NLRP1: variants seen among roughly 807,000 people sequenced by gnomAD.
The protein encoded by NLRP1 is NACHT, LRR and PYD domains-containing protein 1.
In NLRP1, 94 loss-of-function variants were observed where a neutral mutation model predicts 136.7. The observed-to-expected ratio is 0.69, with a 90% CI of 0.58 to 0.82. The LOEUF (loss-of-function observed/expected upper bound fraction) is 0.82, where lower values mean the gene tolerates loss of function less well. Ranked by LOEUF, NLRP1 falls within the 40% of genes least tolerant of loss-of-function variation. The probability of loss-of-function intolerance (pLI) is 0.00; values close to 1 mark genes in which losing one functional copy is unlikely to be tolerated. For missense variants in NLRP1, 1,575 were observed against 1,802.7 expected, an observed-to-expected ratio of 0.87 and a Z score of 2.29; for synonymous variants, 690 against 725.1, an observed-to-expected ratio of 0.95 and a Z score of 0.78.
chr17:5,541,830 C>T lies in NLRP1; in HGVS notation c.2699+27G>A, dbSNP rs757364429. The T allele has an allele frequency of 6.2e-7, 1 of 1,611,312 alleles. No homozygotes were observed. The highest frequency in any genetic ancestry group is 1.1e-5 in the South Asian group (1 of 91,034). On this transcript the variant is annotated intron_variant, in intron 6 of 16. Transcript: ENST00000572272. This position sits in a 1 kb window ranked among gnomAD's most constrained non-coding sequence, Gnocchi z 4.2. ...CATGGTGGCAGGCAGTTCCCTCCAC[C>T]TCCCCCTGCCCACCAAGAACAATTA...
In NLRP1 at chr17:5,537,181, A is replaced by G. The variant is rs539111440; in HGVS notation, c.2871-241T>C. On this transcript the variant is annotated intron_variant, in intron 7 of 16. Coordinates refer to ENST00000572272, the MANE Select transcript of NLRP1 (RefSeq NM_033004.4). This position sits in a 1 kb window ranked among gnomAD's most constrained non-coding sequence, Gnocchi z 4.5. ...GACGTGGGCTGTGAGGCAGTCTCCAATGGAGGCCTCAGCCAACTCTGGGAG... is the reference window on the plus strand; with the variant it reads ...GACGTGGGCTGTGAGGCAGTCTCCAGTGGAGGCCTCAGCCAACTCTGGGAG... 6.6e-6 allele frequency among the ~76,000 whole-genome samples: 1 copy of G among 152,350 alleles called. No individual in the cohort carries two copies. The highest frequency in any genetic ancestry group is 2.4e-5 in the African/African-American group (1 of 41,594).
At chr17:5,520,414 A>G (rs1241427028) in intron 14 of NLRP1, among the ~76,000 whole-genome samples, 1 of 152,164 alleles carries the variant, frequency 6.6e-6, no homozygotes, top group East Asian at 1.9e-4. Flanking sequence ...GCCTGAACCA[A>G]CACCCAATCT....
chr17:5,511,300 TGG>T (rs1297468686), downstream of NLRP1, among the ~76,000 whole-genome samples: 10 of 151,880 alleles, frequency 6.6e-5, no homozygotes, highest in Non-Finnish European at 1.2e-4. Context: ...GGTGTGGTGG[TGG>T]GCGCCTGTAA....
chr17:5,508,775 T>C (rs1396598097), intron 15 of NLRP1, among the ~76,000 whole-genome samples: 7 of 152,150 alleles, frequency 4.6e-5, no homozygotes. Flanking sequence ...CCCCATGTAC[T>C]AGGATGATAA....
chr17:5,542,475 C>G (rs1911991969), intron 5 of NLRP1, among the ~76,000 whole-genome samples: 1 of 152,064 alleles, frequency 6.6e-6, no homozygotes, highest in Non-Finnish European at 1.5e-5. Flanking sequence ...GTGCTGACAC[C>G]TCATGGGGTG....
intron 3 of NLRP1, among the ~76,000 whole-genome samples, chr17:5,570,375 G>GA (rs34903859): frequency 1.2e-4 from 18 of 148,072 alleles, no homozygotes; most frequent in South Asian, 4.3e-4. Context: ...GACTAATAAA[G>GA]AAAAAAAAAA....
intron 3 of NLRP1, among the ~76,000 whole-genome samples, chr17:5,566,527 G>A (rs1204012520): frequency 6.6e-6 from 1 of 152,046 alleles, no homozygotes; most frequent in Non-Finnish European, 1.5e-5. Context: ...CAGAGAAGAT[G>A]CTTGATATTA....
At chr17:5,543,023 T>G (rs2151777454) in intron 5 of NLRP1, among the ~76,000 whole-genome samples, 1 of 152,110 alleles carries the variant, frequency 6.6e-6, no homozygotes, top group South Asian at 2.1e-4. Flanking sequence ...AAAGACGGGG[T>G]TTCGCCATGT....
intron 3 of NLRP1, among the ~76,000 whole-genome samples, chr17:5,576,111 G>A (rs1904990989): frequency 6.6e-6 from 1 of 152,188 alleles, no homozygotes; most frequent in Non-Finnish European, 1.5e-5. Flanking sequence ...GAATCTCTGG[G>A]ACACATTTAA....
At position 5,555,591 on chromosome 17, in the gene NLRP1, T is replaced by C. The variant is rs367999418; in HGVS notation, c.2358-2035A>G. 4.7e-4 allele frequency among the ~76,000 whole-genome samples: 71 copies of C among 152,218 alleles called. No homozygotes were observed. In the South Asian group the frequency reaches 0.013, roughly 28 times the overall value. On this transcript the variant is annotated intron_variant, in intron 4 of 16. Transcript: ENST00000572272. Reference sequence around the variant, plus strand: ...CCATCTGGTCTCTGCCTCTAGCTGCTTGGAACTCTTTGAAGATTTCCCACC... The same window carrying C: ...CCATCTGGTCTCTGCCTCTAGCTGCCTGGAACTCTTTGAAGATTTCCCACC...
downstream of NLRP1, among the ~76,000 whole-genome samples, chr17:5,510,387 G>A (rs1051166238): frequency 6.6e-6 from 1 of 151,426 alleles, no homozygotes; most frequent in African/African-American, 2.4e-5. Context: ...TGAGATAGAG[G>A]CTCGCTCTGT....
In NLRP1 at chr17:5,537,989, AG is replaced by A. The variant is rs1360157551; in HGVS notation, c.2871-1050del. 5.3e-5 allele frequency among the ~76,000 whole-genome samples: 8 copies of A among 152,250 alleles called. No individual in the cohort carries two copies. Among genetic ancestry groups the A allele is most frequent in the African/African-American group, 1.9e-4 (8 of 41,464 alleles). ...CCCATGGTTGTAGATAGCCAGTGTCAGCTACAGGAGAACCCAAATGTAGACT... is the reference window on the plus strand; with the variant it reads ...CCCATGGTTGTAGATAGCCAGTGTCACTACAGGAGAACCCAAATGTAGACT... On this transcript the variant is annotated intron_variant, in intron 7 of 16. Coordinates refer to ENST00000572272, the MANE Select transcript of NLRP1 (RefSeq NM_033004.4). This position sits in a 1 kb window ranked among gnomAD's most constrained non-coding sequence, Gnocchi z 4.5.
At chr17:5,560,792 T>C (rs1914648367) in intron 3 of NLRP1, among the ~76,000 whole-genome samples, 1 of 152,232 alleles carries the variant, frequency 6.6e-6, no homozygotes. Context: ...CTCTTGTTGA[T>C]GAGTCCAAGA....
intron 3 of NLRP1, among the ~76,000 whole-genome samples, chr17:5,571,254 C>A (rs1915832427): frequency 6.6e-6 from 1 of 152,100 alleles, no homozygotes; most frequent in Non-Finnish European, 1.5e-5. Context: ...GAAGTCCTAC[C>A]CAGAGCAATC....
At position 5,539,530 on chromosome 17, in the gene NLRP1, T is replaced by G. The variant is rs762337004; in HGVS notation, c.2755A>C (p.Ser919Arg). 15 of 1,613,866 alleles carry G rather than the reference T, an allele frequency of 9.3e-6. No homozygotes were observed. The South Asian group carries it at 1.6e-4, about 18-fold the overall frequency. ...AGCTCCTTCAGGCTGGGGCTGGCAC[T>G]AAGCACAGAGGCCAGGTCCTGGCAG... ...DCCQDLASVL[S>R]ASPSLKELDL... The change falls in exon 7 of 17, where the codon AGT becomes CGT. Residue 919 changes from serine (S) to arginine (R), a missense_variant. By Grantham distance (110) the Ser-to-Arg change is moderately radical. Transcript: ENST00000572272.
At chr17:5,568,055 T>C (rs1212876753) in intron 3 of NLRP1, among the ~76,000 whole-genome samples, 1 of 152,146 alleles carries the variant, frequency 6.6e-6, no homozygotes, top group Non-Finnish European at 1.5e-5. Flanking sequence ...TTGGGTTAAA[T>C]CTACTCGGTG....
At chr17:5,538,768 G>A (rs1395481358) in intron 7 of NLRP1, among the ~76,000 whole-genome samples, 2 of 152,186 alleles carry the variant, frequency 1.3e-5, no homozygotes, top group Non-Finnish European at 2.9e-5. Context: ...GCGCTGCCCT[G>A]GAGTGAGGGG....
Position 5,559,957 on chromosome 17 carries a change from T to C in NLRP1, c.739A>G (p.Ser247Gly), listed in dbSNP as rs772425139. 2.5e-6 allele frequency: 4 copies of C among 1,614,042 alleles called. No individual in the cohort carries two copies. In the African/African-American group the frequency reaches 5.3e-5, roughly 22 times the overall value. ...CATGGGTGGTGGTGGGGCTGTAGGC[T>C]GGTGTGCGCCTGTGGGGGCGTTCCT... is the stretch of plus-strand genomic sequence containing the variant. ...VVGTPPQAHTSLQPHHHPWEP... is the reference protein window; with the variant it reads ...VVGTPPQAHTGLQPHHHPWEP... Residue 247 changes from serine to glycine, a missense_variant, in exon 4 of 17, where the codon AGC becomes GGC. By Grantham distance (56) the Ser-to-Gly change is moderately conservative (BLOSUM62 0). Transcript: ENST00000572272.
chr17:5,530,459 C>T (rs1248215220), intron 12 of NLRP1, 22 bp downstream of exon 12: 4 of 1,599,234 alleles, frequency 2.5e-6, no homozygotes, highest in South Asian at 1.1e-5. Flanking sequence ...CACCTTCCTC[C>T]CTATCCTTCC....
Sources: allele counts gnomAD v4.1 joint callset (sites outside exome capture counted in the v4.1 genomes callset), GRCh38; gene constraint gnomAD v4.1.1; non-coding constraint Gnocchi (gnomAD v3.1); transcripts MANE v1.5; gene names NCBI Gene and HGNC (gene_info 2026-07-23, HGNC 2026-07-21).